The following MAP4K2 variants were observed in gnomAD, a reference collection of about 807,000 sequenced individuals.
MAP4K2 encodes the protein B lymphocyte serine/threonine protein kinase.
A neutral mutation model predicts 125.3 loss-of-function variants in MAP4K2; 85 were observed. That is an observed-to-expected ratio of 0.68 (90% CI 0.57 to 0.81). The LOEUF (loss-of-function observed/expected upper bound fraction) is 0.81, where lower values mean the gene tolerates loss of function less well. Ranked by LOEUF, MAP4K2 falls within the 40% of genes least tolerant of loss-of-function variation. The pLI is 0.00. For synonymous variants in MAP4K2, 479 were observed against 445.1 expected (o/e 1.08, Z -0.96); for missense variants, 923 against 1,056.4 (o/e 0.87, Z 1.75).
intron 9 of MAP4K2, 24 bp downstream of exon 9, chr11:64,800,876 G>A (rs1941125011): frequency 6.2e-7 from 1 of 1,613,878 alleles, no homozygotes; most frequent in Non-Finnish European, 8.5e-7. Flanking sequence ...CAAGGGTCAG[G>A]TGAGGGGCAA....
At position 64,802,443 on chromosome 11, in the gene MAP4K2, C is replaced by G. The variant is rs1444752594; in HGVS notation, c.286G>C (p.Gly96Arg). ...LWICMEFCGGGSLQEIYHATG... is the reference protein window; with the variant it reads ...LWICMEFCGGRSLQEIYHATG... ...CCATGGTAAATCTCCTGCAGGGAGC[C>G]CCCTCCGCAGAACTCCATGCAGATC... Residue 96 changes from glycine to arginine, a missense_variant, in exon 4 of 32, where the codon GGC becomes CGC. Physicochemically the swap from Gly to Arg is moderately radical, Grantham distance 125 (BLOSUM62 -2). Around this residue, in one of 2 missense-constraint regions of MAP4K2, gnomAD observed 833 missense variants for 911.4 expected, o/e 0.91. Coordinates refer to ENST00000294066, the MANE Select transcript of MAP4K2 (RefSeq NM_004579.5). 6.7e-7 allele frequency: 1 copy of G among 1,502,060 alleles called. No homozygotes were observed. Among genetic ancestry groups the G allele is most frequent in the Non-Finnish European group, 8.9e-7 (1 of 1,125,406 alleles). 93.0% of individuals were successfully genotyped at this position (1,502,060 alleles called of 1,614,324 possible). A position where few individuals can be genotyped will look rare whatever the true frequency, so the allele number is the denominator to read the frequency against.
chr11:64,799,491 A>C lies in MAP4K2; in HGVS notation c.995-12T>G. The C allele has an allele frequency of 6.2e-7, 1 of 1,610,144 alleles. No homozygotes were observed. Among genetic ancestry groups the C allele is most frequent in the Non-Finnish European group, 8.5e-7 (1 of 1,178,826 alleles). ...TTTCACCTGGTGAACTGGGGGGCCCAGAGTACAAGAGTGAAGGAGCTGGAG... is the reference window on the plus strand; with the variant it reads ...TTTCACCTGGTGAACTGGGGGGCCCCGAGTACAAGAGTGAAGGAGCTGGAG... On this transcript the variant is annotated splice_polypyrimidine_tract_variant and intron_variant, in intron 13 of 31. Coordinates refer to ENST00000294066, the MANE Select transcript of MAP4K2 (RefSeq NM_004579.5).
chr11:64,799,497 C>T lies in MAP4K2; in HGVS notation c.995-18G>A. ...CTGGTGAACTGGGGGGCCCAGAGTACAAGAGTGAAGGAGCTGGAGTCTCAG... is the reference window on the plus strand; with the variant it reads ...CTGGTGAACTGGGGGGCCCAGAGTATAAGAGTGAAGGAGCTGGAGTCTCAG... On this transcript the variant is annotated intron_variant, in intron 13 of 31. Coordinates refer to ENST00000294066, the MANE Select transcript of MAP4K2 (RefSeq NM_004579.5). 6.2e-7 allele frequency: 1 copy of T among 1,612,220 alleles called. No individual in the cohort carries two copies.
Position 64,799,622 on chromosome 11 carries a change from G to A in MAP4K2, c.977C>T (p.Thr326Ile). ...AGACTCACACTGGATCTCCGAGGGGGTCCTCTCGGCTGGGCCGTGCTGCCC... is the reference window on the plus strand; with the variant it reads ...AGACTCACACTGGATCTCCGAGGGGATCCTCTCGGCTGGGCCGTGCTGCCC... ...SRGQHGPAER[T>I]PSEIQFHQVK... Residue 326 changes from threonine (T) to isoleucine (I), a missense_variant, in exon 13 of 32, where the codon ACC becomes ATC. Thr to Ile is a moderately conservative substitution (Grantham distance 89). Coordinates refer to ENST00000294066, the MANE Select transcript of MAP4K2 (RefSeq NM_004579.5). 1 of 1,614,068 alleles carries A rather than the reference G, an allele frequency of 6.2e-7. No individual in the cohort carries two copies. Among genetic ancestry groups the A allele is most frequent in the Non-Finnish European group, 8.5e-7 (1 of 1,180,018 alleles).
rs1190439871 is a variant in MAP4K2, at chr11:64,787,788, A to T, written c.*1749T>A. On this transcript the variant is annotated 3_prime_UTR_variant, in exon 32 of 32. Coordinates refer to ENST00000294066, the MANE Select transcript of MAP4K2 (RefSeq NM_004579.5). ...CTGTCTGCTGCTGGCCGGTTGGTGAACGGAAAGCCAGTCCTCCCCAGGGCG... is the reference window on the plus strand; with the variant it reads ...CTGTCTGCTGCTGGCCGGTTGGTGATCGGAAAGCCAGTCCTCCCCAGGGCG... 1 of 152,258 alleles carries T rather than the reference A, an allele frequency of 6.6e-6. No individual in the cohort carries two copies. Among genetic ancestry groups the T allele is most frequent in the Non-Finnish European group, 1.5e-5 (1 of 68,088 alleles). The allele number at this position is 152,258 out of a possible 1,614,324, so 9.4% of individuals were successfully genotyped here. A position where few individuals can be genotyped will look rare whatever the true frequency, so the allele number is the denominator to read the frequency against.
In MAP4K2 at chr11:64,801,612, G is replaced by A; in HGVS notation, c.424C>T (p.Leu142Phe). 1 of 1,614,018 alleles carries A rather than the reference G, an allele frequency of 6.2e-7. No homozygotes were observed. The highest frequency in any genetic ancestry group is 1.1e-5 in the South Asian group (1 of 91,086). ...KIHRDIKGAN[L>F]LLTLQGDVKL... ...ACATCTCCCTGGAGAGTGAGGAGAA[G>A]GTTGGCTCCCTGTGGGAATGGAGGA... The change falls in exon 7 of 32, where the codon CTT (leucine) becomes TTT (phenylalanine). Residue 142 changes from leucine to phenylalanine, a missense_variant. Coordinates refer to ENST00000294066, the MANE Select transcript of MAP4K2 (RefSeq NM_004579.5).
In MAP4K2 at chr11:64,792,181, C is replaced by A; in HGVS notation, c.1905G>T (p.Leu635=). 1.2e-6 allele frequency: 2 copies of A among 1,610,880 alleles called. No homozygotes were observed. Among genetic ancestry groups the A allele is most frequent in the African/African-American group, 2.7e-5 (2 of 75,014 alleles). ...CCCCACCGCCCCTCACCTTCAGCAG[C>A]AGAAACTTCTGCAGCGGCTCATACC... ...LQWYEPLQKF[L]LLKNFSSPLP... is the part of the protein sequence containing the mutation. The change falls in exon 26 of 32, where the codon CTG becomes CTT. Residue 635 remains leucine, a synonymous_variant. Coordinates refer to ENST00000294066, the MANE Select transcript of MAP4K2 (RefSeq NM_004579.5).
At chr11:64,791,865 C>A in intron 27 of MAP4K2, 44 bp downstream of exon 27, 2 of 1,495,466 alleles carry the variant, frequency 1.3e-6, no homozygotes, top group African/African-American at 1.4e-5. Context: ...CTCGGTCTCT[C>A]ATGCACACAC....
chr11:64,798,906 G>T, intron 14 of MAP4K2, 69 bp from the exon 15 acceptor site: 1 of 1,342,274 alleles, frequency 7.5e-7, no homozygotes, highest in Admixed American at 2.2e-5. Flanking sequence ...GCGCTCAAGA[G>T]ATTCAGGAAA....
intron 24 of MAP4K2, among the ~76,000 whole-genome samples, chr11:64,793,000 C>A (rs553679194): frequency 4.3e-4 from 66 of 152,234 alleles, no homozygotes; most frequent in African/African-American, 1.6e-3. Context: ...GCAGATCACC[C>A]GAGGTCGGGA....
intron 22 of MAP4K2, 39 bp downstream of exon 22, chr11:64,796,595 C>T (rs1940816200): frequency 6.2e-7 from 1 of 1,613,970 alleles, no homozygotes. Context: ...CCCCAGGCCC[C>T]CACAAGGCCT....
chr11:64,790,570 G>A (rs1940419719), intron 27 of MAP4K2, 108 bp from the exon 28 acceptor site: 2 of 990,250 alleles, frequency 2.0e-6, no homozygotes, highest in East Asian at 2.4e-5. Context: ...GGGCACGTCA[G>A]CCTCACAACA....
Position 64,796,673 on chromosome 11 carries a change from T to C in MAP4K2, c.1533A>G (p.Thr511=), listed in dbSNP as rs1940823234. The stretch of plus-strand genomic sequence containing the variant: ...CCTCATGCAGTTCATGCAGGTTGAG[T>C]GTGTAGATGCCTTCCTCGGCCCCTA... ...LVVGAEEGIY[T]LNLHELHEDT... Residue 511 remains threonine (T), a synonymous_variant, in exon 22 of 32, where the codon ACA becomes ACG. Transcript: ENST00000294066. The C allele has an allele frequency of 6.2e-7, 1 of 1,613,932 alleles. No individual in the cohort carries two copies. The highest frequency in any genetic ancestry group is 1.1e-5 in the South Asian group (1 of 91,084).
chr11:64,802,863 G>A, intron 2 of MAP4K2, 22 bp downstream of exon 2: 2 of 1,595,538 alleles, frequency 1.3e-6, no homozygotes, highest in Non-Finnish European at 1.7e-6. Context: ...CTCTGGCGCA[G>A]AGGCCCGACC....
chr11:64,792,303 G>A (rs377528886), intron 25 of MAP4K2, 28 bp from the exon 26 acceptor site: 23 of 1,595,466 alleles, frequency 1.4e-5, no homozygotes, highest in Middle Eastern at 3.4e-4. Flanking sequence ...AGTGGGCACC[G>A]GGCTGGGCCT....
intron 8 of MAP4K2, 30 bp from the exon 9 acceptor site, chr11:64,801,061 G>C (rs533655): frequency 6.2e-7 from 1 of 1,613,714 alleles, no homozygotes; most frequent in East Asian, 2.2e-5. Flanking sequence ...TGGGATGGCC[G>C]GGTGCCCTGC....
chr11:64,792,901 G>T (rs1565612163), intron 24 of MAP4K2, among the ~76,000 whole-genome samples: 1 of 152,152 alleles, frequency 6.6e-6, no homozygotes, highest in Non-Finnish European at 1.5e-5. Flanking sequence ...GAAAGTCCTT[G>T]TCAGGTAAAG....
chr11:64,797,265 T>C lies in MAP4K2; in HGVS notation c.1276+10A>G. 6.3e-7 allele frequency: 1 copy of C among 1,599,978 alleles called. No individual in the cohort carries two copies. Among genetic ancestry groups the C allele is most frequent in the Non-Finnish European group, 8.5e-7 (1 of 1,173,396 alleles). Reference sequence around the variant, plus strand: ...GGGCTGCCTCCTGGCCTCCCAAGCCTGAGACTCACCTGGGGGACTGGACAG... The same window carrying C: ...GGGCTGCCTCCTGGCCTCCCAAGCCCGAGACTCACCTGGGGGACTGGACAG... On this transcript the variant is annotated intron_variant, in intron 18 of 31. Transcript: ENST00000294066.
intron 14 of MAP4K2, among the ~76,000 whole-genome samples, chr11:64,799,213 C>T (rs1038729101): frequency 6.6e-6 from 1 of 152,176 alleles, no homozygotes; most frequent in Non-Finnish European, 1.5e-5. Context: ...GTGCTACCTT[C>T]CAGACACCCA....
Sources: allele counts gnomAD v4.1 joint callset (sites outside exome capture counted in the v4.1 genomes callset), GRCh38; gene constraint gnomAD v4.1.1; regional missense constraint gnomAD v4.1.1; transcripts MANE v1.5; gene names NCBI Gene and HGNC (gene_info 2026-07-23, HGNC 2026-07-21).